The following GLB1L2 variants were observed in gnomAD, a reference collection of about 807,000 sequenced individuals.
GLB1L2 encodes the protein beta-galactosidase-1-like protein 2.
A neutral mutation model predicts 84.1 loss-of-function variants in GLB1L2; 68 were observed. That is an observed-to-expected ratio of 0.81 (90% confidence interval 0.67 to 0.99). The LOEUF (loss-of-function observed/expected upper bound fraction) is 0.99. GLB1L2 is among the 50% of genes least tolerant of loss of function. The probability of loss-of-function intolerance (pLI) is 0.00; values close to 1 mark genes in which losing one functional copy is unlikely to be tolerated. For synonymous variants in GLB1L2, 290 were observed against 318.0 expected (o/e 0.91, Z 0.94); for missense variants, 762 against 805.6 (o/e 0.95, Z 0.66).
In GLB1L2 at chr11:134,369,794, G is replaced by C. The variant is rs1333886694; in HGVS notation, c.1028-11G>C. ...ACAGGAATGACCATGACAGGGCCCGGTGTCTTGCAGACTATGATGCTGTGC... is the reference window on the plus strand; with the variant it reads ...ACAGGAATGACCATGACAGGGCCCGCTGTCTTGCAGACTATGATGCTGTGC... On this transcript the variant is annotated splice_polypyrimidine_tract_variant and intron_variant, in intron 10 of 18. Transcript: ENST00000535456. 1 of 1,607,256 alleles carries C rather than the reference G, an allele frequency of 6.2e-7. No individual in the cohort carries two copies. Among genetic ancestry groups the C allele is most frequent in the Non-Finnish European group, 8.5e-7 (1 of 1,174,264 alleles).
At chr11:134,342,707 TCTGCGGCC>T in intron 1 of GLB1L2, 39 bp from the exon 2 acceptor site, 1 of 1,572,944 alleles carries the variant, frequency 6.4e-7, no homozygotes, top group Non-Finnish European at 8.7e-7. Flanking sequence ...AGCCGATCTC[TCTGCGGCC>T]CGGAGCCTCC....
At position 134,369,834 on chromosome 11, in the gene GLB1L2, G is replaced by A. The variant is rs374586742; in HGVS notation, c.1057G>A (p.Asp353Asn). 31 of 1,613,314 alleles carry A rather than the reference G, an allele frequency of 1.9e-5. No homozygotes were observed. The African/African-American group carries it at 2.9e-4, about 15-fold the overall frequency. ...DYDAVLTEAG[D>N]YTAKYMKLRD... ...TGATGCTGTGCTGACAGAAGCCGGC[G>A]ATTACACGGCCAAGTACATGAAGCT... Residue 353 changes from aspartate (D) to asparagine (N), a missense_variant, in exon 11 of 19, where the codon GAT becomes AAT. By Grantham distance (23) the Asp-to-Asn change is conservative (BLOSUM62 1). Coordinates refer to ENST00000535456, the MANE Select transcript of GLB1L2 (RefSeq NM_001370461.1).
chr11:134,350,505 AG>A (rs1328578991), intron 5 of GLB1L2, among the ~76,000 whole-genome samples: 1 of 152,090 alleles, frequency 6.6e-6, no homozygotes, highest in African/African-American at 2.4e-5. Flanking sequence ...GAGATGGGAG[AG>A]GGTGGCATCG....
chr11:134,347,290 C>A, intron 4 of GLB1L2, 35 bp from the exon 5 acceptor site: 2 of 1,530,410 alleles, frequency 1.3e-6, no homozygotes, highest in Non-Finnish European at 1.8e-6. Flanking sequence ...CACTGTGACA[C>A]TAACATCCTT....
intron 5 of GLB1L2, among the ~76,000 whole-genome samples, chr11:134,350,607 C>T (rs138456087): frequency 2.6e-5 from 4 of 152,284 alleles, no homozygotes; most frequent in Non-Finnish European, 4.4e-5. Context: ...ACTTGAGTTT[C>T]GGTTTTTGTC....
rs750900241 is a variant in GLB1L2 at position 134,373,778 on chromosome 11, G to T, written c.1565G>T (p.Ser522Ile). Reference protein sequence around the residue: ...DSPLKNFRIYSLDMKKSFFQR... With the variant: ...DSPLKNFRIYILDMKKSFFQR... ...CCCCTGAAAAACTTCAGAATCTATA[G>T]CCTGGATATGAAGAAGAGCTTCTTT... The change falls in exon 16 of 19, where the codon AGC becomes ATC. Residue 522 changes from serine to isoleucine, a missense_variant. Transcript: ENST00000535456. The T allele has an allele frequency of 1.2e-6, 2 of 1,612,260 alleles. No individual in the cohort carries two copies. The highest frequency in any genetic ancestry group is 3.3e-5 in the Admixed American group (2 of 59,990).
rs1943936502 is a variant in GLB1L2, at chr11:134,370,480, C to T, written c.1215+81C>T. 21 of 1,116,520 alleles carry T rather than the reference C, an allele frequency of 1.9e-5. No homozygotes were observed. Among genetic ancestry groups the T allele is most frequent in the Non-Finnish European group, 2.4e-5 (18 of 742,476 alleles). 69.2% of individuals were successfully genotyped at this position (1,116,520 alleles called of 1,614,324 possible). The stretch of plus-strand genomic sequence containing the variant: ...CAGGGAGGTGAGTGCTGGGGGCAGT[C>T]GTCGGCGGGAGGTGAGAGTCGTCGG... On this transcript the variant is annotated intron_variant, in intron 12 of 18. Coordinates refer to ENST00000535456, the MANE Select transcript of GLB1L2 (RefSeq NM_001370461.1). This position sits in a 1 kb window ranked among gnomAD's most constrained non-coding sequence, Gnocchi z 4.7.
chr11:134,358,675 C>T (rs774011888), intron 6 of GLB1L2, among the ~76,000 whole-genome samples: 2 of 152,252 alleles, frequency 1.3e-5, no homozygotes, highest in African/African-American at 2.4e-5. Flanking sequence ...ATGTAGGTGT[C>T]GTCCTGGAGG....
rs115756556 is a variant in GLB1L2, at chr11:134,370,588, G to A, written c.1215+189G>A. On this transcript the variant is annotated intron_variant, in intron 12 of 18. Coordinates refer to ENST00000535456, the MANE Select transcript of GLB1L2 (RefSeq NM_001370461.1). This position sits in a 1 kb window ranked among gnomAD's most constrained non-coding sequence, Gnocchi z 4.7. The stretch of plus-strand genomic sequence containing the variant: ...CTGGTGGCTCTGGGGTCTGCTCTCC[G>A]GCCTTGGAGCTCAGAGGGAAGAGGA... Among the ~76,000 whole-genome samples the A allele has an allele frequency of 7.5e-3, 1,147 of 152,176 alleles. 23 individuals are homozygous for A. Among genetic ancestry groups the A allele is most frequent in the African/African-American group, 0.026 (1,093 of 41,516 alleles).
At chr11:134,355,115 C>T (rs913215984) in intron 5 of GLB1L2, among the ~76,000 whole-genome samples, 9 of 152,108 alleles carry the variant, frequency 5.9e-5, no homozygotes, top group African/African-American at 1.7e-4. Context: ...TTGAATCTGC[C>T]GTTGAACTCC....
At chr11:134,372,842 A>ACCAC (rs1164696687) in intron 15 of GLB1L2, among the ~76,000 whole-genome samples, 1 of 151,826 alleles carries the variant, frequency 6.6e-6, no homozygotes, top group African/African-American at 2.4e-5. Context: ...GGCATCTAGC[A>ACCAC]CCACCCAGGC....
intron 2 of GLB1L2, 27 bp downstream of exon 2, chr11:134,342,978 G>C (rs1943491358): frequency 6.3e-7 from 1 of 1,588,958 alleles, no homozygotes; most frequent in African/African-American, 1.3e-5. Context: ...TCCCCCCGGA[G>C]CCTGGTTCCT....
intron 5 of GLB1L2, among the ~76,000 whole-genome samples, chr11:134,347,903 T>C (rs1270339837): frequency 6.6e-6 from 1 of 152,202 alleles, no homozygotes; most frequent in Admixed American, 6.5e-5. Context: ...TAAAATTCCT[T>C]TCGCTGACTT....
rs146411690 is a variant in GLB1L2 at position 134,344,396 on chromosome 11, G to T, written c.294G>T (p.Pro98=). 4 of 1,613,736 alleles carry T rather than the reference G, an allele frequency of 2.5e-6. No homozygotes were observed. Among genetic ancestry groups the T allele is most frequent in the South Asian group, 1.1e-5 (1 of 91,050 alleles). ...CGLNTLTTYV[P]WNLHEPERGK... ...ATCATTTCTGTTGCAGCTATGTTCC[G>T]TGGAACCTGCATGAGCCAGAAAGAG... is the stretch of plus-strand genomic sequence containing the variant. Residue 98 remains proline (P), a synonymous_variant, in exon 3 of 19, where the codon CCG becomes CCT. Transcript: ENST00000535456.
At chr11:134,345,511 C>T (rs1943541606) in intron 4 of GLB1L2, among the ~76,000 whole-genome samples, 1 of 152,236 alleles carries the variant, frequency 6.6e-6, no homozygotes, top group African/African-American at 2.4e-5. Context: ...TGCTCTGGCA[C>T]TCAGGCTGGA....
At chr11:134,364,556 C>G (rs1943840840) in intron 8 of GLB1L2, 158 bp downstream of exon 8, 2 of 641,440 alleles carry the variant, frequency 3.1e-6, no homozygotes, top group Non-Finnish European at 5.5e-6. Context: ...CCTGCAAGGC[C>G]CGCTGCCCAG....
chr11:134,334,097 C>T lies in GLB1L2; in HGVS notation c.86+1950C>T, dbSNP rs1943344587. Among the ~76,000 whole-genome samples the T allele has an allele frequency of 6.6e-6, 1 of 152,164 alleles. No homozygotes were observed. The highest frequency in any genetic ancestry group is 2.4e-5 in the African/African-American group (1 of 41,428). On this transcript the variant is annotated intron_variant, in intron 1 of 18. Coordinates refer to ENST00000535456, the MANE Select transcript of GLB1L2 (RefSeq NM_001370461.1). This position sits in a 1 kb window ranked among gnomAD's most constrained non-coding sequence, Gnocchi z 4.1. ...GGAGGAGAACATCCTCTTTGTCTTT[C>T]CCTCTTCCTGTCTTGCCCCAGCTCT...
chr11:134,370,207 G>T lies in GLB1L2; in HGVS notation c.1109-86G>T, dbSNP rs2136288324. 9.1e-7 allele frequency: 1 copy of T among 1,101,182 alleles called. No homozygotes were observed. Among genetic ancestry groups the T allele is most frequent in the East Asian group, 2.4e-5 (1 of 42,428 alleles). The allele number at this position is 1,101,182 out of a possible 1,614,324, so 68.2% of individuals were successfully genotyped here. Reference sequence around the variant, plus strand: ...GGTGCTGGGACGCAGGAGCACATCGGGTCTGTGGATGGGAGCCGGGTGGGG... The same window carrying T: ...GGTGCTGGGACGCAGGAGCACATCGTGTCTGTGGATGGGAGCCGGGTGGGG... On this transcript the variant is annotated intron_variant, in intron 11 of 18. Coordinates refer to ENST00000535456, the MANE Select transcript of GLB1L2 (RefSeq NM_001370461.1). The surrounding 1 kb of genome is among the most constrained non-coding windows in gnomAD (Gnocchi z 4.7).
chr11:134,366,867 T>G, intron 8 of GLB1L2, among the ~76,000 whole-genome samples: 2 of 151,684 alleles, frequency 1.3e-5, no homozygotes, highest in African/African-American at 4.8e-5. Flanking sequence ...GGGGGAGGGA[T>G]CTGCATCCAC....
Sources: allele counts gnomAD v4.1 joint callset (sites outside exome capture counted in the v4.1 genomes callset), GRCh38; gene constraint gnomAD v4.1.1; non-coding constraint Gnocchi (gnomAD v3.1); transcripts MANE v1.5; gene names NCBI Gene and HGNC (gene_info 2026-07-23, HGNC 2026-07-21).